ARHGEF10L: variants seen among roughly 807,000 people sequenced by gnomAD.
ARHGEF10L encodes the protein Rho guanine nucleotide exchange factor 10 like.
In ARHGEF10L, 69 loss-of-function variants were observed where a neutral mutation model predicts 141.2. The ratio of observed to expected loss-of-function variants is 0.49; its 90% CI spans 0.40 to 0.60. The LOEUF (loss-of-function observed/expected upper bound fraction) is 0.60, where lower values mean the gene tolerates loss of function less well. Ranked by LOEUF, ARHGEF10L falls within the 20% of genes least tolerant of loss-of-function variation. ARHGEF10L has a pLI of 0.00. For synonymous variants in ARHGEF10L, 711 were observed against 718.5 expected (o/e 0.99, Z 0.17); for missense variants, 1,482 against 1,734.3 (o/e 0.85, Z 2.58).
In ARHGEF10L at chr1:17,621,435, G is replaced by T. The variant is rs930270390; in HGVS notation, c.943-429G>T. Among the ~76,000 whole-genome samples, 11 of 152,190 alleles carry T rather than the reference G, an allele frequency of 7.2e-5. No homozygotes were observed. The highest frequency in any genetic ancestry group is 2.4e-4 in the African/African-American group (10 of 41,436). On this transcript the variant is annotated intron_variant, in intron 10 of 28. Coordinates refer to ENST00000361221, the MANE Select transcript of ARHGEF10L (RefSeq NM_018125.4). The surrounding 1 kb of genome is among the most constrained non-coding windows in gnomAD (Gnocchi z 4.1). ...TTTACTAGAGACAGGGTTTCACCATGTTGGCCAGGCTGGTTTCGAACTCCT... is the reference window on the plus strand; with the variant it reads ...TTTACTAGAGACAGGGTTTCACCATTTTGGCCAGGCTGGTTTCGAACTCCT...
At chr1:17,596,056 C>A (rs1372897773) in intron 4 of ARHGEF10L, among the ~76,000 whole-genome samples, 1 of 152,202 alleles carries the variant, frequency 6.6e-6, no homozygotes, top group Non-Finnish European at 1.5e-5. Context: ...CTTCCCCCCT[C>A]ACGCCTGGGA....
chr1:17,645,147 T>C (rs1193453802), intron 21 of ARHGEF10L, among the ~76,000 whole-genome samples: 1 of 152,104 alleles, frequency 6.6e-6, no homozygotes, highest in Non-Finnish European at 1.5e-5. Flanking sequence ...AGCCCCCACT[T>C]AGCGTCAACT....
chr1:17,601,344 T>A (rs1232737799), intron 4 of ARHGEF10L, among the ~76,000 whole-genome samples: 3 of 152,236 alleles, frequency 2.0e-5, no homozygotes, highest in Admixed American at 6.5e-5. Context: ...CATTTGCATG[T>A]CTGCTCTGTG....
At chr1:17,670,755 G>A (rs1489859299) in intron 26 of ARHGEF10L, among the ~76,000 whole-genome samples, 1 of 152,336 alleles carries the variant, frequency 6.6e-6, no homozygotes, top group South Asian at 2.1e-4. Flanking sequence ...GGAGTGACCC[G>A]CTGGGCCCAT....
At position 17,673,840 on chromosome 1, in the gene ARHGEF10L, A is replaced by G. The variant is rs2063478788; in HGVS notation, c.3009+9245A>G. Among the ~76,000 whole-genome samples the G allele has an allele frequency of 6.6e-6, 1 of 152,156 alleles. No individual in the cohort carries two copies. The highest frequency in any genetic ancestry group is 1.5e-5 in the Non-Finnish European group (1 of 68,038). On this transcript the variant is annotated intron_variant, in intron 26 of 28. Transcript: ENST00000361221. This position sits in a 1 kb window ranked among gnomAD's most constrained non-coding sequence, Gnocchi z 4.1. Reference sequence around the variant, plus strand: ...GCAGCTCCGTGTACATGCAGGTCCCAGGGCTGTGCCTGGTGGGAGGAAGCA... The same window carrying G: ...GCAGCTCCGTGTACATGCAGGTCCCGGGGCTGTGCCTGGTGGGAGGAAGCA...
At chr1:17,665,297 G>A (rs1193416037) in intron 26 of ARHGEF10L, among the ~76,000 whole-genome samples, 1 of 152,210 alleles carries the variant, frequency 6.6e-6, no homozygotes, top group East Asian at 1.9e-4. Flanking sequence ...GTCTTCATTC[G>A]CCTGCCTAGT....
intron 1 of ARHGEF10L, among the ~76,000 whole-genome samples, chr1:17,562,693 C>T (rs552988616): frequency 3.3e-5 from 5 of 152,308 alleles, no homozygotes; most frequent in Admixed American, 1.3e-4. Context: ...TATACATTGG[C>T]GAGGTGAGCT....
At chr1:17,520,175 T>C in the ARHGEF10L span, among the ~76,000 whole-genome samples, 7 of 152,196 alleles carry the variant, frequency 4.6e-5, no homozygotes. Context: ...GATGGATGGC[T>C]CAGCCCCGGC....
intron 26 of ARHGEF10L, among the ~76,000 whole-genome samples, chr1:17,666,119 A>G (rs891632954): frequency 6.6e-5 from 10 of 152,210 alleles, no homozygotes; most frequent in African/African-American, 2.4e-4. Context: ...GGCCATGTGC[A>G]TGACTAAACC....
intron 3 of ARHGEF10L, 41 bp from the exon 4 acceptor site, chr1:17,588,405 C>A: frequency 1.9e-6 from 3 of 1,611,320 alleles, no homozygotes; most frequent in Non-Finnish European, 2.5e-6. Context: ...CTGGGGCCAG[C>A]CTCTGGCCTG....
the ARHGEF10L span, among the ~76,000 whole-genome samples, chr1:17,527,276 T>G: frequency 6.6e-6 from 1 of 152,242 alleles, no homozygotes; most frequent in Non-Finnish European, 1.5e-5. Flanking sequence ...ACGCCGCTGA[T>G]CAGAATTCAT....
chr1:17,570,907 A>G (rs1437367458), intron 1 of ARHGEF10L, among the ~76,000 whole-genome samples: 1 of 151,964 alleles, frequency 6.6e-6, no homozygotes, highest in African/African-American at 2.4e-5. Flanking sequence ...AGCTGGTGGG[A>G]TGGTGCTAGC....
chr1:17,514,930 G>A, the ARHGEF10L span, among the ~76,000 whole-genome samples: 3 of 152,120 alleles, frequency 2.0e-5, no homozygotes, highest in South Asian at 2.1e-4. Context: ...ACCTCGGCCC[G>A]GCACCTCTTG....
chr1:17,655,770 G>A, intron 23 of ARHGEF10L, 109 bp from the exon 24 acceptor site: 1 of 975,302 alleles, frequency 1.0e-6, no homozygotes, highest in Non-Finnish European at 1.5e-6. Flanking sequence ...GGCAGGAGAA[G>A]GGATGCTTCT....
At chr1:17,613,409 A>G (rs1308532964) in intron 8 of ARHGEF10L, among the ~76,000 whole-genome samples, 2 of 152,126 alleles carry the variant, frequency 1.3e-5, no homozygotes, top group African/African-American at 2.4e-5. Flanking sequence ...CCCACCTGCA[A>G]GTGAAACCCT....
chr1:17,597,392 T>G (rs1053563925), intron 4 of ARHGEF10L, among the ~76,000 whole-genome samples: 2 of 151,304 alleles, frequency 1.3e-5, no homozygotes, highest in East Asian at 1.9e-4. Context: ...CTGCTCCGGG[T>G]GGGTACAGGG....
At chr1:17,517,903 C>A in the ARHGEF10L span, among the ~76,000 whole-genome samples, 1 of 152,174 alleles carries the variant, frequency 6.6e-6, no homozygotes, top group South Asian at 2.1e-4. Context: ...CTCAGATGAT[C>A]CAACCGCCTC....
In ARHGEF10L at chr1:17,540,502, C is replaced by T. The variant is rs191991218; in HGVS notation, c.-44+552C>T. ...GCCGTGGCTGCGGAGCCGCCAGTCC[C>T]GGATCCTCCCTGGAACAGGGATATA... On this transcript the variant is annotated intron_variant, in intron 1 of 28. Transcript: ENST00000361221. Among the ~76,000 whole-genome samples the T allele has an allele frequency of 9.0e-3, 1,377 of 152,228 alleles. 66 individuals carry two copies. The highest frequency in any genetic ancestry group is 0.071 in the Admixed American group (1,083 of 15,294).
rs1017696360 is a variant in ARHGEF10L at position 17,637,909 on chromosome 1, C to G, written c.1949C>G (p.Pro650Arg). The change falls in exon 19 of 29, where the codon CCA becomes CGA. Residue 650 changes from proline (P) to arginine (R), a missense_variant. Pro to Arg is a moderately radical substitution (Grantham distance 103, BLOSUM62 -2). Around this residue, in one of 3 missense-constraint regions of ARHGEF10L, gnomAD observed 858 missense variants for 966.3 expected, o/e 0.89. Transcript: ENST00000361221. ...QAQNKVYLGPPRLFQELQDLQ... is the reference protein window; with the variant it reads ...QAQNKVYLGPRRLFQELQDLQ... ...CCAGATAAGGTGTACCTCGGCCCCC[C>G]ACGCCTCTTCCAGGAGCTGCAGGAC... 3 of 1,594,746 alleles carry G rather than the reference C, an allele frequency of 1.9e-6. No homozygotes were observed. The highest frequency in any genetic ancestry group is 1.3e-5 in the African/African-American group (1 of 74,642).
Sources: allele counts gnomAD v4.1 joint callset (sites outside exome capture counted in the v4.1 genomes callset), GRCh38; gene constraint gnomAD v4.1.1; regional missense constraint gnomAD v4.1.1; non-coding constraint Gnocchi (gnomAD v3.1); transcripts MANE v1.5; gene names NCBI Gene and HGNC (gene_info 2026-07-23, HGNC 2026-07-21).